Variants in CSMD1 observed in about 807,000 individuals in gnomAD.
CSMD1 encodes the protein CUB and sushi domain-containing protein 1.
In CSMD1, 213 loss-of-function variants were observed where a neutral mutation model predicts 417.5. That is an observed-to-expected ratio of 0.51 (90% CI 0.46 to 0.57). The LOEUF is 0.57. CSMD1 is among the 20% of genes least tolerant of loss of function. The pLI is 0.00. For missense variants in CSMD1, 6,923 were observed against 4,529.7 expected (o/e 1.53, Z -15.17); for synonymous variants, 2,862 against 1,736.8 (o/e 1.65, Z -16.11).
At chr8:4,311,618 G>C (rs568684035) in intron 3 of CSMD1, among the ~76,000 whole-genome samples, 1 of 150,880 alleles carries the variant, frequency 6.6e-6, no homozygotes, top group South Asian at 2.1e-4. Flanking sequence ...AGCTACTTGG[G>C]AAGCTTAGAC....
At chr8:3,788,412 T>C (rs1300124301) in intron 5 of CSMD1, among the ~76,000 whole-genome samples, 2 of 152,130 alleles carry the variant, frequency 1.3e-5, no homozygotes, top group African/African-American at 2.4e-5. Context: ...CAAGTGAGGC[T>C]TCTGGAGGTG....
At chr8:3,933,584 G>C (rs1810296366) in intron 5 of CSMD1, among the ~76,000 whole-genome samples, 1 of 152,132 alleles carries the variant, frequency 6.6e-6, no homozygotes, top group African/African-American at 2.4e-5. Flanking sequence ...GAAAATATAG[G>C]AGTGTGTAGA....
chr8:3,605,911 T>C (rs1454741228), intron 8 of CSMD1, among the ~76,000 whole-genome samples: 2 of 152,226 alleles, frequency 1.3e-5, no homozygotes, highest in South Asian at 4.1e-4. Flanking sequence ...GTTATGTCCA[T>C]ATATCCCTAG....
chr8:3,804,029 G>C (rs542848202), intron 5 of CSMD1, among the ~76,000 whole-genome samples: 2 of 152,210 alleles, frequency 1.3e-5, no homozygotes, highest in East Asian at 3.9e-4. Context: ...CTGAGTTCAA[G>C]CGATTCTTCT....
intron 7 of CSMD1, among the ~76,000 whole-genome samples, chr8:3,637,473 G>C (rs989679920): frequency 2.0e-5 from 3 of 152,118 alleles, no homozygotes; most frequent in African/African-American, 4.8e-5. Context: ...ACCTACCATA[G>C]CTTCAGAATT....
At chr8:2,974,687 A>G in intron 55 of CSMD1, 63 bp from the exon 56 acceptor site, 1 of 1,277,986 alleles carries the variant, frequency 7.8e-7, no homozygotes, top group Non-Finnish European at 1.1e-6. Context: ...GTATTGGAAA[A>G]TCTCCCATAC....
intron 3 of CSMD1, among the ~76,000 whole-genome samples, chr8:4,321,958 T>C (rs1436462431): frequency 6.6e-6 from 1 of 152,096 alleles, no homozygotes; most frequent in African/African-American, 2.4e-5. Context: ...ATTATCACTA[T>C]GAAATTACCA....
intron 3 of CSMD1, among the ~76,000 whole-genome samples, chr8:4,143,788 G>T (rs1451282107): frequency 6.6e-6 from 1 of 151,250 alleles, no homozygotes; most frequent in Non-Finnish European, 1.5e-5. Flanking sequence ...GTGGGAGGGG[G>T]CCCAAGCAAG....
chr8:3,272,988 G>C, intron 26 of CSMD1, among the ~76,000 whole-genome samples: 1 of 150,940 alleles, frequency 6.6e-6, no homozygotes, highest in Non-Finnish European at 1.5e-5. Context: ...AGTGGTGAGA[G>C]AGGGCATCCC....
At chr8:3,142,741 A>G in intron 40 of CSMD1, 67 bp from the exon 41 acceptor site, 3 of 1,300,710 alleles carry the variant, frequency 2.3e-6, no homozygotes, top group Non-Finnish European at 3.3e-6. Flanking sequence ...GCTCATAAAA[A>G]GGGACTGAAG....
intron 5 of CSMD1, among the ~76,000 whole-genome samples, chr8:3,873,708 T>A (rs1805632084): frequency 6.6e-6 from 1 of 151,992 alleles, no homozygotes; most frequent in Non-Finnish European, 1.5e-5. Context: ...AAGTTAAAAA[T>A]AAATAAATAA....
intron 3 of CSMD1, among the ~76,000 whole-genome samples, chr8:4,237,483 G>A (rs568597170): frequency 6.6e-6 from 1 of 152,088 alleles, no homozygotes; most frequent in African/African-American, 2.4e-5. Flanking sequence ...AAGGTAATAT[G>A]GCTAAACGGT....
At chr8:4,725,203 G>A (rs1356907498) in intron 1 of CSMD1, among the ~76,000 whole-genome samples, 4 of 152,082 alleles carry the variant, frequency 2.6e-5, no homozygotes, top group South Asian at 4.1e-4. Flanking sequence ...AGATGAAAAG[G>A]TTAAATTTAA....
In CSMD1 at chr8:3,238,096, C is replaced by T. The variant is rs528252560; in HGVS notation, c.4154-7865G>A. Among the ~76,000 whole-genome samples, 21 of 151,554 alleles carry T rather than the reference C, an allele frequency of 1.4e-4. No homozygotes were observed. In the South Asian group the frequency reaches 2.1e-3, roughly 15 times the overall value. On this transcript the variant is annotated intron_variant, in intron 26 of 69. Coordinates refer to ENST00000635120, the MANE Select transcript of CSMD1 (RefSeq NM_033225.6). ...GGGCTGAGTCCGAAAAGAGAGTCAC[C>T]GAAGGGAGATACGGGTGGGGCCGTT... is the stretch of plus-strand genomic sequence containing the variant.
intron 7 of CSMD1, among the ~76,000 whole-genome samples, chr8:3,673,412 G>A (rs777785922): frequency 6.6e-5 from 10 of 152,200 alleles, no homozygotes; most frequent in African/African-American, 1.2e-4. Context: ...ATTTGAAGAC[G>A]TAGCATCAAC....
At chr8:4,461,182 T>C (rs998982501) in intron 2 of CSMD1, among the ~76,000 whole-genome samples, 3 of 151,588 alleles carry the variant, frequency 2.0e-5, no homozygotes, top group African/African-American at 7.3e-5. Flanking sequence ...AGTGACAAAA[T>C]TCAACATTCT....
intron 4 of CSMD1, among the ~76,000 whole-genome samples, chr8:4,000,874 A>G (rs929552605): frequency 6.6e-6 from 1 of 152,276 alleles, no homozygotes; most frequent in South Asian, 2.1e-4. Flanking sequence ...AGAAGATAAA[A>G]TATCATAGAT....
intron 1 of CSMD1, among the ~76,000 whole-genome samples, chr8:4,715,865 C>A (rs1273049951): frequency 6.6e-6 from 1 of 152,198 alleles, no homozygotes; most frequent in African/African-American, 2.4e-5. Flanking sequence ...ACGGGAATTG[C>A]CTCCTAAAGG....
intron 6 of CSMD1, among the ~76,000 whole-genome samples, chr8:3,729,699 CTG>C: frequency 1.3e-5 from 2 of 151,978 alleles, no homozygotes; most frequent in South Asian, 4.2e-4. Context: ...GCCTCTTCTT[CTG>C]CTAAGTCCCT....
Sources: gnomAD v4.1 joint callset for allele counts (sites outside exome capture counted in the v4.1 genomes callset) on GRCh38, gnomAD v4.1.1 for gene constraint, MANE v1.5 for transcripts, NCBI Gene and HGNC (gene_info 2026-07-23, HGNC 2026-07-21) for gene names.